The following TTN variants were observed in gnomAD, a reference collection of about 807,000 sequenced individuals.
The protein encoded by TTN is connectin.
TTN carries 1,525 observed loss-of-function variants against 3,223.0 expected under a neutral mutation model. The observed-to-expected ratio is 0.47, with a 90% CI of 0.45 to 0.49. The LOEUF is 0.49. Ranked by LOEUF, TTN falls within the 20% of genes least tolerant of loss-of-function variation. The probability of loss-of-function intolerance (pLI) is 0.00; values close to 1 mark genes in which losing one functional copy is unlikely to be tolerated. For synonymous variants in TTN, 14,094 were observed against 15,161.0 expected (o/e 0.93, Z 5.17); for missense variants, 40,786 against 43,424.0 (o/e 0.94, Z 5.40).
chr2:178,551,711 A>C lies in TTN; in HGVS notation c.91189T>G (p.Phe30397Val), dbSNP rs1699512079. 1.2e-6 allele frequency: 2 copies of C among 1,613,618 alleles called. No individual in the cohort carries two copies. Among genetic ancestry groups the C allele is most frequent in the Non-Finnish European group, 1.7e-6 (2 of 1,179,676 alleles). ...TGLVEGLDYQFRVYAENSAGL... is the reference protein window; with the variant it reads ...TGLVEGLDYQVRVYAENSAGL... ...GCAGAATTTTCAGCATATACACGGA[A>C]TTGGTAATCCAGACCTTCTACCAGT... The change falls in exon 335 of 363, where the codon TTC becomes GTC. Residue 30397 changes from phenylalanine (F) to valine (V), a missense_variant. Physicochemically the swap from Phe to Val is conservative, Grantham distance 50. Transcript: ENST00000589042.
rs769081825 is a variant in TTN at position 178,561,534 on chromosome 2, G to A, written c.84598C>T (p.Leu28200Phe). Residue 28200 changes from leucine (L) to phenylalanine (F), a missense_variant, in exon 326 of 363, where the codon CTT (leucine) becomes TTT (phenylalanine). Leu to Phe is a conservative substitution (Grantham distance 22). Transcript: ENST00000589042. ...HLEYKERSSI[L>F]WSKANKILIA... is the part of the protein sequence containing the mutation. ...AGGATTTTATTTGCTTTTGACCAAAGAATGCTGCTTCTTTCTTTATACTCA... is the reference window on the plus strand; with the variant it reads ...AGGATTTTATTTGCTTTTGACCAAAAAATGCTGCTTCTTTCTTTATACTCA... 6.2e-7 allele frequency: 1 copy of A among 1,613,326 alleles called. No homozygotes were observed. Among genetic ancestry groups the A allele is most frequent in the Non-Finnish European group, 8.5e-7 (1 of 1,179,538 alleles).
In TTN at chr2:178,539,844, C is replaced by T. The variant is rs1693522689; in HGVS notation, c.98221G>A (p.Glu32741Lys). 1.2e-6 allele frequency: 2 copies of T among 1,613,702 alleles called. No individual in the cohort carries two copies. The highest frequency in any genetic ancestry group is 1.7e-5 in the Admixed American group (1 of 59,976). The change falls in exon 352 of 363, where the codon GAA (glutamate) becomes AAA (lysine). Residue 32741 changes from glutamate to lysine, a missense_variant. By Grantham distance (56) the Glu-to-Lys change is moderately conservative. Transcript: ENST00000589042. ...KPFPICKWTK[E>K]GQDISKRAMI... ...GCACGCTTACTAATATCCTGGCCTT[C>T]CTTGGTCCATTTACATATTGGGAAT...
At position 178,739,402 on chromosome 2, in the gene TTN, G is replaced by A. The variant is rs1176048298; in HGVS notation, c.13831C>T (p.Pro4611Ser). The change falls in exon 48 of 363, where the codon CCT (proline) becomes TCT (serine). Residue 4611 changes from proline (P) to serine (S), a missense_variant. By Grantham distance (74) the Pro-to-Ser change is moderately conservative. Coordinates refer to ENST00000589042, the MANE Select transcript of TTN (RefSeq NM_001267550.2). ...IKEDGPMIHT[P>S]LVDTVSEEGD... is the part of the protein sequence containing the mutation. Reference sequence around the variant, plus strand: ...TCCTCAGAAACAGTGTCCACTAAAGGTGTATGTATCATGGGGCCATCCTCT... The same window carrying A: ...TCCTCAGAAACAGTGTCCACTAAAGATGTATGTATCATGGGGCCATCCTCT... 6.2e-7 allele frequency: 1 copy of A among 1,613,844 alleles called. No individual in the cohort carries two copies. The highest frequency in any genetic ancestry group is 2.2e-5 in the East Asian group (1 of 44,854).
chr2:178,648,680 G>T (rs1230356481), intron 213 of TTN, among the ~76,000 whole-genome samples: 1 of 152,170 alleles, frequency 6.6e-6, no homozygotes, highest in Non-Finnish European at 1.5e-5. Flanking sequence ...CAAGTGTTGG[G>T]ATGACAGGCG....
In TTN at chr2:178,575,163, C is replaced by G; in HGVS notation, c.70969G>C (p.Val23657Leu). Residue 23657 changes from valine (V) to leucine (L), a missense_variant, in exon 326 of 363, where the codon GTG becomes CTG. Transcript: ENST00000589042. The surrounding 1 kb of genome is among the most constrained non-coding windows in gnomAD (Gnocchi z 4.0). ...AGDNIKVEIP[V>L]LGRPKPTVTW... ...ACTGTGGGCTTCGGTCGACCGAGCA[C>G]TGGAATTTCAACTTTGATGTTGTCA... 1 of 1,612,720 alleles carries G rather than the reference C, an allele frequency of 6.2e-7. No individual in the cohort carries two copies. Among genetic ancestry groups the G allele is most frequent in the South Asian group, 1.1e-5 (1 of 90,946 alleles).
chr2:178,728,908 G>A lies in TTN; in HGVS notation c.19130C>T (p.Ala6377Val). Residue 6377 changes from alanine (A) to valine (V), a missense_variant, in exon 65 of 363, where the codon GCT becomes GTT. Transcript: ENST00000589042. The part of the protein sequence containing the change: ...KNESGVERCY[A>V]FLLVQEPAQI... ...TTACAAACCTTGTACTAAAAGGAAA[G>A]CATAACACCTCTCAACTCCTGACTC... 1 of 1,604,944 alleles carries A rather than the reference G, an allele frequency of 6.2e-7. No individual in the cohort carries two copies.
Position 178,774,495 on chromosome 2 carries a change from T to C in TTN, c.6791-22A>G. The C allele has an allele frequency of 1.2e-6, 2 of 1,608,196 alleles. 1 individual carries two copies. The highest frequency in any genetic ancestry group is 2.2e-5 in the South Asian group (2 of 90,834). On this transcript the variant is annotated intron_variant, in intron 29 of 362. Coordinates refer to ENST00000589042, the MANE Select transcript of TTN (RefSeq NM_001267550.2). The stretch of plus-strand genomic sequence containing the variant: ...GCACCTGAAGTGTATAACAGAAAGA[T>C]AAATCAATTTTTTTGGAGAGGTATG...
rs1187730829 is a variant in TTN, at chr2:178,610,874, G to A, written c.51136+119C>T. The stretch of plus-strand genomic sequence containing the variant: ...CCTATGGAAAGACATAATCAGAAGT[G>A]ACATTTAGTTTACAAGTGGCCAGTT... On this transcript the variant is annotated intron_variant, in intron 270 of 362. Coordinates refer to ENST00000589042, the MANE Select transcript of TTN (RefSeq NM_001267550.2). The A allele has an allele frequency of 2.4e-6, 3 of 1,234,698 alleles. No homozygotes were observed. The East Asian group carries it at 7.1e-5, about 29-fold the overall frequency. The allele number at this position is 1,234,698 out of a possible 1,614,324, so 76.5% of individuals were successfully genotyped here.
intron 106 of TTN, 76 bp from the exon 107 acceptor site, chr2:178,702,739 C>T: frequency 7.2e-7 from 1 of 1,387,102 alleles, no homozygotes; most frequent in Non-Finnish European, 9.7e-7. Flanking sequence ...ACCTCAGATA[C>T]TTAAAATCTC....
chr2:178,740,146 G>A lies in TTN; in HGVS notation c.13087C>T (p.Pro4363Ser). 1 of 1,613,766 alleles carries A rather than the reference G, an allele frequency of 6.2e-7. No homozygotes were observed. ...TCCTGCACTTTCTTTATTGCCACGG[G>A]CTCTCTTTTAGACTCAATGATTTGG... ...PDQIIESKRE[P>S]VAIKKVQEVQ... The change falls in exon 48 of 363, where the codon CCC becomes TCC. Residue 4363 changes from proline (P) to serine (S), a missense_variant. Transcript: ENST00000589042.
intron 47 of TTN, chr2:178,751,795 C>T (rs1256527024): frequency 6.2e-7 from 1 of 1,613,052 alleles, no homozygotes; most frequent in Admixed American, 1.7e-5. Context: ...GAAACCAAGT[C>T]ATTTCTGGAG....
chr2:178,800,824 A>T, intron 3 of TTN, 142 bp from the exon 4 acceptor site: 2 of 882,496 alleles, frequency 2.3e-6, no homozygotes, highest in Non-Finnish European at 3.3e-6. Flanking sequence ...AACCCAGCTC[A>T]CCCAGCAATG....
At chr2:178,663,558 A>G in intron 171 of TTN, 42 bp from the exon 172 acceptor site, 3 of 1,613,682 alleles carry the variant, frequency 1.9e-6, no homozygotes, top group Non-Finnish European at 2.5e-6. Flanking sequence ...CATTATGAAG[A>G]CCACTAGAAA....
In TTN at chr2:178,712,953, T is replaced by C. The variant is rs764544621; in HGVS notation, c.27072A>G (p.Lys9024=). 5 of 1,612,754 alleles carry C rather than the reference T, an allele frequency of 3.1e-6. No homozygotes were observed. Among genetic ancestry groups the C allele is most frequent in the Non-Finnish European group, 4.2e-6 (5 of 1,179,170 alleles). The part of the protein sequence containing the change: ...TVREPPSFVQ[K]PDPMDVLTGT... ...CAGTTAAAACATCCATGGGATCAGGTTTCTGAACAAAAGATGGTGGTTCTA... is the reference window on the plus strand; with the variant it reads ...CAGTTAAAACATCCATGGGATCAGGCTTCTGAACAAAAGATGGTGGTTCTA... Residue 9024 remains lysine (K), a synonymous_variant, in exon 94 of 363, where the codon AAA becomes AAG. Transcript: ENST00000589042.
In TTN at chr2:178,536,432, A is replaced by G. The variant is rs545443009; in HGVS notation, c.100315T>C (p.Trp33439Arg). ...ATTTCTTCTGTTGTCACAGAAATCC[A>G]TTTATTCTGCTTCTTCTCACGCTTC... ...LEKREKKQNK[W>R]ISVTTEEIRE... is the part of the protein sequence containing the mutation. The change falls in exon 357 of 363, where the codon TGG becomes CGG. Residue 33439 changes from tryptophan (W) to arginine (R), a missense_variant. Coordinates refer to ENST00000589042, the MANE Select transcript of TTN (RefSeq NM_001267550.2). 31 of 1,613,044 alleles carry G rather than the reference A, an allele frequency of 1.9e-5. No homozygotes were observed. The South Asian group carries it at 3.1e-4, about 16-fold the overall frequency.
chr2:178,677,237 C>A lies in TTN; in HGVS notation c.34342G>T (p.Ala11448Ser), dbSNP rs894171947. The change falls in exon 147 of 363, where the codon GCC becomes TCC. Residue 11448 changes from alanine (A) to serine (S), a missense_variant. By Grantham distance (99) the Ala-to-Ser change is moderately conservative (BLOSUM62 1). Coordinates refer to ENST00000589042, the MANE Select transcript of TTN (RefSeq NM_001267550.2). ...PVPEKKVPVP[A>S]PKKVEPPPPP... ...GGTGGAGGTTCCACTTTTTTAGGGG[C>A]GGGAACAGGGACTTTCTTCTCTGGT... 4.1e-6 allele frequency: 5 copies of A among 1,221,460 alleles called. No homozygotes were observed. The South Asian group carries it at 2.1e-4, about 51-fold the overall frequency. The allele number at this position is 1,221,460 out of a possible 1,614,324, so 75.7% of individuals were successfully genotyped here. A position where few individuals can be genotyped will look rare whatever the true frequency, so the allele number is the denominator to read the frequency against.
In TTN at chr2:178,532,063, A is replaced by G; in HGVS notation, c.104552T>C (p.Met34851Thr). The G allele has an allele frequency of 6.2e-7, 1 of 1,613,952 alleles. No homozygotes were observed. Among genetic ancestry groups the G allele is most frequent in the South Asian group, 1.1e-5 (1 of 91,082 alleles). The change falls in exon 358 of 363, where the codon ATG (methionine) becomes ACG (threonine). Residue 34851 changes from methionine (M) to threonine (T), a missense_variant. Physicochemically the swap from Met to Thr is moderately conservative, Grantham distance 81. Transcript: ENST00000589042. ...CCGGATCAGCTCAGACACTGGCCTC[A>G]TTAACTCAATATAAGTTGGAGACAG... is the stretch of plus-strand genomic sequence containing the variant. ...RSLSPTYIEL[M>T]RPVSELIRSR...
intron 46 of TTN, among the ~76,000 whole-genome samples, chr2:178,755,328 G>A (rs1210537849): frequency 6.6e-6 from 1 of 152,128 alleles, no homozygotes; most frequent in Non-Finnish European, 1.5e-5. Context: ...TACAATTCCA[G>A]GAGGATTTTA....
At chr2:178,651,357 C>A (rs746252353) in intron 207 of TTN, 37 bp from the exon 208 acceptor site, 1 of 1,605,942 alleles carries the variant, frequency 6.2e-7, no homozygotes, top group Admixed American at 1.7e-5. Flanking sequence ...TAGAAACAAT[C>A]ACCAGTAAAC....
Sources: allele counts gnomAD v4.1 joint callset (sites outside exome capture counted in the v4.1 genomes callset), GRCh38; gene constraint gnomAD v4.1.1; non-coding constraint Gnocchi (gnomAD v3.1); transcripts MANE v1.5; gene names NCBI Gene and HGNC (gene_info 2026-07-23, HGNC 2026-07-21).